Variants in SLC29A3 observed in about 807,000 individuals in gnomAD.
SLC29A3 encodes solute carrier family 29 member 3.
Under a neutral mutation model 25.4 loss-of-function variants are expected in SLC29A3, and 18 were observed. The observed-to-expected ratio is 0.71, with a 90% CI of 0.49 to 1.05. The LOEUF is 1.05. Ranked by LOEUF, SLC29A3 falls within the 50% of genes least tolerant of loss-of-function variation. SLC29A3 has a pLI of 0.00. For synonymous variants in SLC29A3, 258 were observed against 267.1 expected (o/e 0.97, Z 0.33); for missense variants, 586 against 609.0 (o/e 0.96, Z 0.40).
intron 3 of SLC29A3, 129 bp from the exon 4 acceptor site, chr10:71,351,433 G>C: frequency 2.7e-6 from 2 of 731,688 alleles, no homozygotes; most frequent in Non-Finnish European, 4.6e-6. Context: ...TCGAGTGCAG[G>C]CCTCTTGACT....
intron 3 of SLC29A3, among the ~76,000 whole-genome samples, chr10:71,346,109 C>T (rs1260372595): frequency 1.3e-5 from 2 of 152,200 alleles, no homozygotes; most frequent in Non-Finnish European, 2.9e-5. Flanking sequence ...AATCAGGAGA[C>T]CACAGGGGCA....
At chr10:71,344,114 A>G in intron 2 of SLC29A3, 95 bp from the exon 3 acceptor site, 1 of 988,588 alleles carries the variant, frequency 1.0e-6, no homozygotes. Context: ...CAGTGGGGAG[A>G]AGCCCCACAG....
chr10:71,364,375 C>G (rs1847146199), downstream of SLC29A3: 1 of 152,208 alleles, frequency 6.6e-6, no homozygotes, highest in South Asian at 2.1e-4. Context: ...TTCCATTGCT[C>G]TATCTGGGGG....
At chr10:71,335,247 A>C (rs1354020967) in intron 2 of SLC29A3, among the ~76,000 whole-genome samples, 1 of 151,848 alleles carries the variant, frequency 6.6e-6, no homozygotes, top group African/African-American at 2.4e-5. Flanking sequence ...GCTCCCCAGT[A>C]CCTTCCAAAA....
At position 71,319,306 on chromosome 10, in the gene SLC29A3, C is replaced by T. The variant is rs957088600; in HGVS notation, c.-4C>T. 2.5e-5 allele frequency: 16 copies of T among 645,578 alleles called. No homozygotes were observed. Among genetic ancestry groups the T allele is most frequent in the East Asian group, 6.6e-5 (2 of 30,490 alleles). 40.0% of individuals were successfully genotyped at this position (645,578 alleles called of 1,614,324 possible). A position where few individuals can be genotyped will look rare whatever the true frequency, so the allele number is the denominator to read the frequency against. On this transcript the variant is annotated 5_prime_UTR_variant, in exon 1 of 6. Coordinates refer to ENST00000373189, the MANE Select transcript of SLC29A3 (RefSeq NM_018344.6). ...AGGCAGCGGCGGCGTGGCGCAGCGG[C>T]GACAGTAAGTGCGGGCCGGCTCGGG...
At chr10:71,321,250 G>A (rs1461959663) in intron 1 of SLC29A3, among the ~76,000 whole-genome samples, 1 of 152,124 alleles carries the variant, frequency 6.6e-6, no homozygotes, top group African/African-American at 2.4e-5. Flanking sequence ...TAATTCCAAG[G>A]GATGCTCTGA....
intron 2 of SLC29A3, among the ~76,000 whole-genome samples, chr10:71,336,707 G>T (rs1328317786): frequency 6.6e-6 from 1 of 152,016 alleles, no homozygotes; most frequent in Non-Finnish European, 1.5e-5. Context: ...CAGGAAGTCA[G>T]CTTAGGCTGG....
Position 71,350,392 on chromosome 10 carries a change from A to G in SLC29A3, c.384-1170A>G, listed in dbSNP as rs143192759. On this transcript the variant is annotated intron_variant, in intron 3 of 5. Coordinates refer to ENST00000373189, the MANE Select transcript of SLC29A3 (RefSeq NM_018344.6). ...AAGTTTTTCTTTTTTTAATTAAAAA[A>G]AAGTATGTAATCTGGCTTTTCTCCC... is the stretch of plus-strand genomic sequence containing the variant. Among the ~76,000 whole-genome samples, 1,110 of 150,750 alleles carry G rather than the reference A, an allele frequency of 7.4e-3. 9 individuals are homozygous for G. The highest frequency in any genetic ancestry group is 0.026 in the African/African-American group (1,070 of 41,132).
intron 2 of SLC29A3, among the ~76,000 whole-genome samples, chr10:71,342,580 C>T (rs1272490626): frequency 6.6e-6 from 1 of 152,254 alleles, no homozygotes; most frequent in African/African-American, 2.4e-5. Context: ...ACAGATCGAG[C>T]AGCCACTGGA....
chr10:71,355,503 C>T (rs1342646058), intron 4 of SLC29A3, among the ~76,000 whole-genome samples: 2 of 152,160 alleles, frequency 1.3e-5, no homozygotes, highest in East Asian at 1.9e-4. Context: ...CCACAGCCGC[C>T]TTGGGGTACA....
At chr10:71,320,908 T>C (rs1845833226) in intron 1 of SLC29A3, among the ~76,000 whole-genome samples, 1 of 152,168 alleles carries the variant, frequency 6.6e-6, no homozygotes, top group African/African-American at 2.4e-5. Flanking sequence ...CAGCCAGTCC[T>C]CCCCGGTGTG....
At chr10:71,371,671 A>G (rs1372821025) in intron 3 of SLC29A3, among the ~76,000 whole-genome samples, 5 of 152,182 alleles carry the variant, frequency 3.3e-5, no homozygotes, top group African/African-American at 1.2e-4. Flanking sequence ...ATGTCTTATT[A>G]GTCAGTGATC....
intron 1 of SLC29A3, among the ~76,000 whole-genome samples, chr10:71,320,186 G>A (rs1247464045): frequency 6.6e-6 from 1 of 152,166 alleles, no homozygotes; most frequent in Non-Finnish European, 1.5e-5. Context: ...AGCCAGGTGT[G>A]GTCCTGAGTG....
At chr10:71,343,499 A>G (rs1846469721) in intron 2 of SLC29A3, among the ~76,000 whole-genome samples, 1 of 152,140 alleles carries the variant, frequency 6.6e-6, no homozygotes, top group Non-Finnish European at 1.5e-5. Flanking sequence ...ATTCTGTGCA[A>G]TCTAGGAGCT....
chr10:71,362,242 G>A lies in SLC29A3; in HGVS notation c.1062G>A (p.Leu354=). 6.2e-7 allele frequency: 1 copy of A among 1,614,070 alleles called. No individual in the cohort carries two copies. The highest frequency in any genetic ancestry group is 1.3e-5 in the African/African-American group (1 of 75,004). The change falls in exon 6 of 6, where the codon CTG becomes CTA. Residue 354 remains leucine, a synonymous_variant. Coordinates refer to ENST00000373189, the MANE Select transcript of SLC29A3 (RefSeq NM_018344.6). ...TCATCCCCCTCACTACCTTCCTCCT[G>A]TACAACTTTGCTGACCTATGTGGCC... ...KFFIPLTTFL[L]YNFADLCGRQ...
rs1381232161 is a variant in SLC29A3 at position 71,351,567 on chromosome 10, C to T, written c.389C>T (p.Ala130Val). The T allele has an allele frequency of 2.5e-6, 4 of 1,613,934 alleles. No homozygotes were observed. The highest frequency in any genetic ancestry group is 3.4e-6 in the Non-Finnish European group (4 of 1,179,882). ...VANFLLVNRVAVHIRVLASLT... is the reference protein window; with the variant it reads ...VANFLLVNRVVVHIRVLASLT... ...TTCTGGCATCCTCGCCCCAGGGTTGCAGTCCACATCCGTGTCCTGGCCTCA... is the reference window on the plus strand; with the variant it reads ...TTCTGGCATCCTCGCCCCAGGGTTGTAGTCCACATCCGTGTCCTGGCCTCA... Residue 130 changes from alanine to valine, a missense_variant, in exon 4 of 6, where the codon GCA becomes GTA. Physicochemically the swap from Ala to Val is moderately conservative, Grantham distance 64. Coordinates refer to ENST00000373189, the MANE Select transcript of SLC29A3 (RefSeq NM_018344.6).
chr10:71,363,565 G>A (rs903066844), downstream of SLC29A3, among the ~76,000 whole-genome samples: 1 of 147,508 alleles, frequency 6.8e-6, no homozygotes, highest in Non-Finnish European at 1.5e-5. Context: ...CTGGGCTCCA[G>A]TGATCTTCCA....
chr10:71,334,791 T>C (rs1286055268), intron 2 of SLC29A3, among the ~76,000 whole-genome samples: 1 of 151,852 alleles, frequency 6.6e-6, no homozygotes, highest in Non-Finnish European at 1.5e-5. Context: ...AGCTCACCCC[T>C]GTGGAGGCTT....
rs1180748105 is a variant in SLC29A3, at chr10:71,368,613, C to G, written c.*95-7082C>G. ...CCACTCACTTTGTCCTTTGGACAGG[C>G]TGTTTCATTTTTTTTTCTATGCCTC... On this transcript the variant is annotated intron_variant and NMD_transcript_variant, in intron 3 of 4. Transcript: ENST00000642772. 2.0e-5 allele frequency among the ~76,000 whole-genome samples: 3 copies of G among 152,210 alleles called. No individual in the cohort carries two copies. In the East Asian group the frequency reaches 5.8e-4, roughly 29 times the overall value.
Sources: gnomAD v4.1 joint callset for allele counts (sites outside exome capture counted in the v4.1 genomes callset) on GRCh38, gnomAD v4.1.1 for gene constraint, MANE v1.5 for transcripts, NCBI Gene and HGNC (gene_info 2026-07-23, HGNC 2026-07-21) for gene names.